NMT2: variants seen among roughly 807,000 people sequenced by gnomAD.
NMT2 encodes the protein N-myristoyltransferase 2.
NMT2 carries 35 observed loss-of-function variants against 65.4 expected under a neutral mutation model. The observed-to-expected ratio is 0.54, with a 90% CI of 0.41 to 0.71. The LOEUF is 0.71. Among genes scored for constraint, NMT2 ranks in the 30% least tolerant of loss-of-function variants. The pLI is 0.00. For synonymous variants in NMT2, 226 were observed against 231.8 expected (o/e 0.98, Z 0.23); for missense variants, 489 against 611.3 (o/e 0.80, Z 2.11).
chr10:15,112,900 G>A lies in NMT2; in HGVS notation c.1234C>T (p.His412Tyr). ...GCTTTGAGGCTCTTGTGAGCAGGGTGGTGCATCACCGTGGAGGGGAGCGTA... is the reference window on the plus strand; with the variant it reads ...GCTTTGAGGCTCTTGTGAGCAGGGTAGTGCATCACCGTGGAGGGGAGCGTA... ...FYTLPSTVMHHPAHKSLKAAY... is the reference protein window; with the variant it reads ...FYTLPSTVMHYPAHKSLKAAY... Residue 412 changes from histidine (H) to tyrosine (Y), a missense_variant, in exon 10 of 12, where the codon CAC becomes TAC. Coordinates refer to ENST00000378165, the MANE Select transcript of NMT2 (RefSeq NM_004808.3). 1.2e-6 allele frequency: 2 copies of A among 1,614,072 alleles called. No individual in the cohort carries two copies. The highest frequency in any genetic ancestry group is 8.5e-7 in the Non-Finnish European group (1 of 1,180,000).
intron 8 of NMT2, among the ~76,000 whole-genome samples, chr10:15,121,371 C>T (rs1845924875): frequency 6.6e-6 from 1 of 152,056 alleles, no homozygotes; most frequent in African/African-American, 2.4e-5. Flanking sequence ...AGGGGGAAAA[C>T]AGGTGTTTTT....
intron 8 of NMT2, among the ~76,000 whole-genome samples, chr10:15,120,220 G>A (rs1845881298): frequency 6.6e-6 from 1 of 152,244 alleles, no homozygotes; most frequent in Admixed American, 6.5e-5. Flanking sequence ...CACTTTGGGA[G>A]GCTGATGCCG....
At chr10:15,113,252 TG>T (rs1176293288) in intron 9 of NMT2, among the ~76,000 whole-genome samples, 4 of 151,552 alleles carry the variant, frequency 2.6e-5, no homozygotes, top group Non-Finnish European at 4.4e-5. Flanking sequence ...GTGTGGATCA[TG>T]AGGTCAGGAG....
intron 3 of NMT2, among the ~76,000 whole-genome samples, chr10:15,134,093 G>A (rs1846385963): frequency 6.6e-6 from 1 of 152,108 alleles, no homozygotes. Flanking sequence ...AAAGGGCTGC[G>A]GTGACCTCTG....
intron 1 of NMT2, among the ~76,000 whole-genome samples, chr10:15,167,756 T>A (rs1294302813): frequency 2.0e-5 from 3 of 152,140 alleles, no homozygotes; most frequent in Non-Finnish European, 4.4e-5. Flanking sequence ...GATTAAGAAA[T>A]CCGATCAAGT....
At chr10:15,152,470 A>G (rs1053637398) in intron 1 of NMT2, among the ~76,000 whole-genome samples, 3 of 152,234 alleles carry the variant, frequency 2.0e-5, no homozygotes, top group African/African-American at 7.2e-5. Context: ...TCCTTTGCCA[A>G]AACGTATCTT....
intron 1 of NMT2, among the ~76,000 whole-genome samples, chr10:15,149,740 G>A (rs571135288): frequency 3.9e-5 from 6 of 152,130 alleles, no homozygotes; most frequent in Admixed American, 2.6e-4. Context: ...TATTATTCCC[G>A]TTTTATAGAT....
At position 15,132,777 on chromosome 10, in the gene NMT2, T is replaced by C. The variant is rs369866198; in HGVS notation, c.719+40A>G. On this transcript the variant is annotated intron_variant, in intron 6 of 11. Coordinates refer to ENST00000378165, the MANE Select transcript of NMT2 (RefSeq NM_004808.3). ...TAATCTAATTGTAATTCTTAGAAAA[T>C]AAACATATAAAAACCGCATGGACGA... is the stretch of plus-strand genomic sequence containing the variant. 3.6e-6 allele frequency: 5 copies of C among 1,397,430 alleles called. No homozygotes were observed. The African/African-American group carries it at 5.7e-5, about 16-fold the overall frequency. The allele number at this position is 1,397,430 out of a possible 1,614,324, so 86.6% of individuals were successfully genotyped here.
At position 15,112,810 on chromosome 10, in the gene NMT2, T is replaced by C; in HGVS notation, c.1324A>G (p.Ile442Val). The C allele has an allele frequency of 6.2e-7, 1 of 1,612,572 alleles. No individual in the cohort carries two copies. The highest frequency in any genetic ancestry group is 1.3e-5 in the African/African-American group (1 of 74,956). The stretch of plus-strand genomic sequence containing the variant: ...GAGTGGCTTACCGATTTAGCCAGGA[T>C]GAGCGCGTCGCTCATGAGGTCCAGC... ...PLLDLMSDAL[I>V]LAKSKGFDVF... Residue 442 changes from isoleucine to valine, a missense_variant, in exon 10 of 12, where the codon ATC becomes GTC. Coordinates refer to ENST00000378165, the MANE Select transcript of NMT2 (RefSeq NM_004808.3).
At chr10:15,120,118 G>A (rs1426471097) in intron 8 of NMT2, among the ~76,000 whole-genome samples, 1 of 152,140 alleles carries the variant, frequency 6.6e-6, no homozygotes, top group Non-Finnish European at 1.5e-5. Flanking sequence ...TACTTACATA[G>A]CATTTAGATT....
chr10:15,119,556 A>G (rs745379150), intron 8 of NMT2, 43 bp from the exon 9 acceptor site: 36 of 1,578,328 alleles, frequency 2.3e-5, no homozygotes, highest in Non-Finnish European at 2.9e-5. Context: ...GTTCAGGTAG[A>G]AGAGGAGTGA....
intron 1 of NMT2, among the ~76,000 whole-genome samples, chr10:15,149,195 T>C (rs1429378906): frequency 2.1e-5 from 3 of 141,812 alleles, no homozygotes; most frequent in Admixed American, 2.1e-4. Context: ...ACTGCCACCA[T>C]CATCACCACC....
At chr10:15,162,747 G>GAT (rs71287332) in intron 1 of NMT2, among the ~76,000 whole-genome samples, 6,880 of 147,066 alleles carry the variant, frequency 0.047, 179 homozygotes, top group African/African-American at 0.064. Flanking sequence ...CTTATTGTTT[G>GAT]ATATATATAT....
intron 1 of NMT2, among the ~76,000 whole-genome samples, chr10:15,151,298 C>G (rs1453234349): frequency 6.6e-6 from 1 of 152,156 alleles, no homozygotes; most frequent in Non-Finnish European, 1.5e-5. Flanking sequence ...CTCAGGTCAT[C>G]TGCCCGCCTC....
At chr10:15,145,581 C>T (rs1198761640) in intron 1 of NMT2, among the ~76,000 whole-genome samples, 6 of 152,052 alleles carry the variant, frequency 3.9e-5, no homozygotes, top group African/African-American at 9.7e-5. Flanking sequence ...GGTTTCGCTA[C>T]GTTGGCCAGG....
At position 15,108,734 on chromosome 10, in the gene NMT2, A is replaced by G. The variant is rs12248538; in HGVS notation, c.*461T>C. On this transcript the variant is annotated 3_prime_UTR_variant, in exon 12 of 12. Coordinates refer to ENST00000378165, the MANE Select transcript of NMT2 (RefSeq NM_004808.3). ...TCCCAGTGATACCATGTAAGGTGAT[A>G]CCAGTAAAAAAAATTTCCAAATGGA... 11,969 of 1,021,112 alleles carry G rather than the reference A, an allele frequency of 0.012. 977 individuals carry two copies. In the African/African-American group the frequency reaches 0.18, roughly 15 times the overall value. 63.3% of individuals were successfully genotyped at this position (1,021,112 alleles called of 1,614,324 possible).
intron 1 of NMT2, among the ~76,000 whole-genome samples, chr10:15,144,639 G>A (rs1401199724): frequency 6.6e-6 from 1 of 152,188 alleles, no homozygotes; most frequent in South Asian, 2.1e-4. Flanking sequence ...GCTGAGGCAG[G>A]AGAATGGCGT....
intron 9 of NMT2, among the ~76,000 whole-genome samples, chr10:15,113,479 A>AG (rs1314432612): frequency 2.7e-5 from 4 of 150,770 alleles, no homozygotes; most frequent in Non-Finnish European, 5.9e-5. Context: ...AAAAAAAAAA[A>AG]AAAAAAAAAA....
chr10:15,134,381 T>C (rs1846397478), intron 3 of NMT2, among the ~76,000 whole-genome samples: 1 of 152,216 alleles, frequency 6.6e-6, no homozygotes, highest in African/African-American at 2.4e-5. Flanking sequence ...AGGGCCTTCC[T>C]GGTGCCTTCC....
Sources: gnomAD v4.1 joint callset for allele counts (sites outside exome capture counted in the v4.1 genomes callset) on GRCh38, gnomAD v4.1.1 for gene constraint, MANE v1.5 for transcripts, NCBI Gene and HGNC (gene_info 2026-07-23, HGNC 2026-07-21) for gene names.